The following CCDC13 variants were observed in gnomAD, a reference collection of about 807,000 sequenced individuals.
CCDC13 encodes coiled-coil domain containing 13.
In CCDC13, 70 loss-of-function variants were observed where a neutral mutation model predicts 87.3. The ratio of observed to expected loss-of-function variants is 0.80; its 90% CI spans 0.66 to 0.98. The LOEUF (loss-of-function observed/expected upper bound fraction) is 0.98. CCDC13 is among the 50% of genes least tolerant of loss of function. The pLI is 0.00. For missense variants in CCDC13, 842 were observed against 892.0 expected, an observed-to-expected ratio of 0.94 and a Z score of 0.71; for synonymous variants, 317 against 360.3, an observed-to-expected ratio of 0.88 and a Z score of 1.36.
chr3:42,735,853 G>A lies in CCDC13; in HGVS notation c.1225C>T (p.Arg409Ter), dbSNP rs1187319220. 15 of 1,614,076 alleles carry A rather than the reference G, an allele frequency of 9.3e-6. No individual in the cohort carries two copies. The African/African-American group carries it at 9.3e-5, about 10-fold the overall frequency. Residue 409 changes from arginine to a stop codon, truncating the protein, a stop_gained, in exon 10 of 16, where the codon CGA becomes TGA. Coordinates refer to ENST00000310232, the MANE Select transcript of CCDC13 (RefSeq NM_144719.4). LOFTEE classifies it high-confidence loss of function. ...TGGTCCAGGTGGTGCTGGGACACTC[G>A]CGTTTTCTCCTCCTGCAGACTCAGG... The part of the protein sequence containing the change: ...GSLSLQEEKT[R>*]VSQHHLDQQL...
At chr3:42,761,600 T>A (rs1489265394) in intron 1 of CCDC13, among the ~76,000 whole-genome samples, 1 of 152,208 alleles carries the variant, frequency 6.6e-6, no homozygotes, top group African/African-American at 2.4e-5. Context: ...GAATGAATAC[T>A]TGCTGAACAA....
At chr3:42,738,857 A>G (rs181731650) in intron 9 of CCDC13, among the ~76,000 whole-genome samples, 1 of 152,356 alleles carries the variant, frequency 6.6e-6, no homozygotes, top group East Asian at 1.9e-4. Context: ...ATCTGCAAAC[A>G]GGAACAATTT....
intron 13 of CCDC13, among the ~76,000 whole-genome samples, chr3:42,716,000 C>G (rs988663120): frequency 6.6e-6 from 1 of 152,186 alleles, no homozygotes; most frequent in African/African-American, 2.4e-5. Flanking sequence ...ACAAAATGGA[C>G]TAAGACACAT....
chr3:42,741,918 C>T (rs894686042), intron 8 of CCDC13, among the ~76,000 whole-genome samples: 2 of 152,192 alleles, frequency 1.3e-5, no homozygotes, highest in Non-Finnish European at 2.9e-5. Context: ...GCATTCCTAA[C>T]ACAGGGCCTA....
Position 42,747,356 on chromosome 3 carries a change from C to G in CCDC13, c.621G>C (p.Val207=). 6.2e-7 allele frequency: 1 copy of G among 1,613,844 alleles called. No homozygotes were observed. Among genetic ancestry groups the G allele is most frequent in the Non-Finnish European group, 8.5e-7 (1 of 1,179,830 alleles). The part of the protein sequence containing the change: ...GDRALLETPE[V]KALQDRLVAT... ...CCACCAGCCTGTCCTGCAGGGCCTT[C>G]ACCTCTGGGGTCTCCAGCTGGTTGG... The change falls in exon 6 of 16, where the codon GTG becomes GTC. Residue 207 remains valine, a synonymous_variant. Coordinates refer to ENST00000310232, the MANE Select transcript of CCDC13 (RefSeq NM_144719.4).
chr3:42,728,443 G>C (rs946511788), intron 13 of CCDC13, among the ~76,000 whole-genome samples: 2 of 149,952 alleles, frequency 1.3e-5, no homozygotes, highest in African/African-American at 4.9e-5. Flanking sequence ...ATAAAGAAAG[G>C]AGTAGATATT....
At chr3:42,709,640 C>A (rs1698255734) in intron 15 of CCDC13, 44 bp downstream of exon 15, 1 of 1,516,724 alleles carries the variant, frequency 6.6e-7, no homozygotes, top group Non-Finnish European at 9.2e-7. Context: ...GGCACCTCTG[C>A]TCAGACAACC....
At chr3:42,736,246 C>A (rs565104717) in intron 9 of CCDC13, among the ~76,000 whole-genome samples, 5 of 152,300 alleles carry the variant, frequency 3.3e-5, no homozygotes, top group African/African-American at 1.2e-4. Flanking sequence ...CCTGATCCTG[C>A]TTGGCTGGGA....
At chr3:42,730,425 C>T in intron 13 of CCDC13, 42 bp downstream of exon 13, 1 of 1,596,496 alleles carries the variant, frequency 6.3e-7, no homozygotes, top group Non-Finnish European at 8.6e-7. Context: ...GTCCCCACCA[C>T]ATGCAGGCCT....
rs1413465096 is a variant in CCDC13, at chr3:42,708,081, C to T, written c.*899G>A. 6.6e-6 allele frequency among the ~76,000 whole-genome samples: 1 copy of T among 152,144 alleles called. No individual in the cohort carries two copies. Among genetic ancestry groups the T allele is most frequent in the East Asian group, 1.9e-4 (1 of 5,184 alleles). On this transcript the variant is annotated 3_prime_UTR_variant, in exon 16 of 16. Coordinates refer to ENST00000310232, the MANE Select transcript of CCDC13 (RefSeq NM_144719.4). Reference sequence around the variant, plus strand: ...CCTTCTGCCTGAAGCTCCAGCTGAGCCCCACCTCGGCCCTCTGCCACCAGC... The same window carrying T: ...CCTTCTGCCTGAAGCTCCAGCTGAGTCCCACCTCGGCCCTCTGCCACCAGC...
chr3:42,739,553 G>C, intron 9 of CCDC13, 81 bp downstream of exon 9: 1 of 1,453,382 alleles, frequency 6.9e-7, no homozygotes, highest in South Asian at 1.3e-5. Flanking sequence ...GGTGAGTGAG[G>C]GCTCACTCTG....
chr3:42,712,756 C>T (rs1469116947), intron 14 of CCDC13, among the ~76,000 whole-genome samples: 1 of 152,208 alleles, frequency 6.6e-6, no homozygotes, highest in African/African-American at 2.4e-5. Context: ...TCAACTTGAC[C>T]ATTGCAGGAG....
chr3:42,766,464 C>A (rs754525500), intron 1 of CCDC13, among the ~76,000 whole-genome samples: 1 of 151,828 alleles, frequency 6.6e-6, no homozygotes, highest in Non-Finnish European at 1.5e-5. Context: ...CTAAAAACAG[C>A]GAGTTTTGCA....
At chr3:42,753,810 T>A (rs1483425081) in intron 3 of CCDC13, among the ~76,000 whole-genome samples, 1 of 152,144 alleles carries the variant, frequency 6.6e-6, no homozygotes, top group Non-Finnish European at 1.5e-5. Flanking sequence ...AGGTGGAATG[T>A]GCTTAGAGTA....
chr3:42,733,397 G>T, intron 11 of CCDC13, 73 bp downstream of exon 11: 1 of 1,579,832 alleles, frequency 6.3e-7, no homozygotes, highest in Non-Finnish European at 8.7e-7. Flanking sequence ...CCCATCAGAG[G>T]TAGCAAGAAA....
intron 1 of CCDC13, 97 bp from the exon 2 acceptor site, chr3:42,758,448 T>C (rs1559661330): frequency 1.8e-6 from 2 of 1,135,530 alleles, no homozygotes; most frequent in Non-Finnish European, 2.5e-6. Flanking sequence ...TGGAGTTTAC[T>C]GCTTCGCGTT....
At chr3:42,752,754 C>G in intron 3 of CCDC13, 37 bp from the exon 4 acceptor site, 1 of 1,610,006 alleles carries the variant, frequency 6.2e-7, no homozygotes, top group Non-Finnish European at 8.5e-7. Flanking sequence ...ATTAAAAACA[C>G]AGGCATACAC....
chr3:42,707,324 A>C lies in CCDC13; in HGVS notation c.*1656T>G, dbSNP rs1417415632. Among the ~76,000 whole-genome samples the C allele has an allele frequency of 6.6e-6, 1 of 152,128 alleles. No homozygotes were observed. Among genetic ancestry groups the C allele is most frequent in the African/African-American group, 2.4e-5 (1 of 41,436 alleles). The stretch of plus-strand genomic sequence containing the variant: ...GCCGTTTTCCTTCACAAGGAACCAG[A>C]GAAAAACTCTTCCTTCCCAGAGACC... On this transcript the variant is annotated 3_prime_UTR_variant, in exon 16 of 16. Coordinates refer to ENST00000310232, the MANE Select transcript of CCDC13 (RefSeq NM_144719.4).
rs1325454350 is a variant in CCDC13 at position 42,706,021 on chromosome 3, C to G, written c.*2959G>C. On this transcript the variant is annotated 3_prime_UTR_variant, in exon 16 of 16. Transcript: ENST00000310232. ...GGGGGAAGCCCTGTGGTGCTGCAGC[C>G]CGGTCCTGCATCCTTCCCCACCCAG... is the stretch of plus-strand genomic sequence containing the variant. 6.6e-6 allele frequency: 1 copy of G among 152,392 alleles called. No homozygotes were observed. Among genetic ancestry groups the G allele is most frequent in the Non-Finnish European group, 1.5e-5 (1 of 68,202 alleles). The allele number at this position is 152,392 out of a possible 1,614,324, so 9.4% of individuals were successfully genotyped here.
Sources: allele counts gnomAD v4.1 joint callset (sites outside exome capture counted in the v4.1 genomes callset), GRCh38; gene constraint gnomAD v4.1.1; transcripts MANE v1.5; gene names NCBI Gene and HGNC (gene_info 2026-07-23, HGNC 2026-07-21).